Variants in TGFBR2 observed in about 807,000 individuals in gnomAD.
The protein encoded by TGFBR2 is transforming growth factor beta receptor 2.
TGFBR2 carries 18 observed loss-of-function variants against 49.0 expected under a neutral mutation model. That is an observed-to-expected ratio of 0.37 (90% CI 0.25 to 0.54). The LOEUF (loss-of-function observed/expected upper bound fraction) is 0.54. Among genes scored for constraint, TGFBR2 ranks in the 20% least tolerant of loss-of-function variants. The pLI, the probability that TGFBR2 is intolerant of heterozygous loss-of-function variation, is 0.85. For missense variants in TGFBR2, 525 were observed against 722.6 expected (o/e 0.73, Z 3.13); for synonymous variants, 282 against 275.9 (o/e 1.02, Z -0.22).
At chr3:30,624,779 C>T (rs1698301741) in intron 1 of TGFBR2, among the ~76,000 whole-genome samples, 1 of 152,138 alleles carries the variant, frequency 6.6e-6, no homozygotes. Flanking sequence ...TTTAATTTTT[C>T]TTGAAGAACA....
At chr3:30,645,928 A>G (rs1042292894) in intron 2 of TGFBR2, among the ~76,000 whole-genome samples, 2 of 152,176 alleles carry the variant, frequency 1.3e-5, no homozygotes, top group Non-Finnish European at 2.9e-5. Context: ...ATTCATGGTT[A>G]TAGATTGTGA....
Position 30,644,871 on chromosome 3 carries a change from C to T in TGFBR2, c.219C>T (p.Ile73=). The T allele has an allele frequency of 6.2e-7, 1 of 1,614,168 alleles. No homozygotes were observed. Among genetic ancestry groups the T allele is most frequent in the Non-Finnish European group, 8.5e-7 (1 of 1,179,996 alleles). ...NQKSCMSNCS[I]TSICEKPQEV... The stretch of plus-strand genomic sequence containing the variant: ...AATCCTGCATGAGCAACTGCAGCAT[C>T]ACCTCCATCTGTGAGAAGCCACAGG... The change falls in exon 2 of 7, where the codon ATC becomes ATT. Residue 73 remains isoleucine (I), a synonymous_variant. Transcript: ENST00000295754.
intron 5 of TGFBR2, among the ~76,000 whole-genome samples, chr3:30,682,544 C>A (rs866317171): frequency 2.6e-5 from 4 of 152,132 alleles, no homozygotes; most frequent in Admixed American, 6.6e-5. Context: ...GAGAGAGGCC[C>A]AAGGTCAAGC....
At chr3:30,630,368 A>T (rs1033336545) in intron 1 of TGFBR2, among the ~76,000 whole-genome samples, 37 of 152,320 alleles carry the variant, frequency 2.4e-4, no homozygotes, top group African/African-American at 8.9e-4. Flanking sequence ...CATTCAAAAC[A>T]TTTCAAAGTT....
At chr3:30,648,462 A>ACACACACACACACACACACACACACAC (rs71786414) in intron 2 of TGFBR2, among the ~76,000 whole-genome samples, 1 of 149,766 alleles carries the variant, frequency 6.7e-6, no homozygotes, top group Admixed American at 6.7e-5. Flanking sequence ...ACACACACAC[A>ACACACACACACACACACACACACACAC]AAACTGTGGG....
chr3:30,653,500 C>A (rs921338685), intron 3 of TGFBR2, among the ~76,000 whole-genome samples: 2 of 152,094 alleles, frequency 1.3e-5, no homozygotes, highest in African/African-American at 2.4e-5. Context: ...GATCCACCTG[C>A]CTCAGCCTCC....
Position 30,692,576 on chromosome 3 carries a change from C to G in TGFBR2, c.*977C>G, listed in dbSNP as rs1020265876. ...TTCTAAAAAGGAGCAAATTCTCACT[C>G]TAGGCTTTATCGTGTTTACTTTTTC... On this transcript the variant is annotated 3_prime_UTR_variant, in exon 7 of 7. Coordinates refer to ENST00000295754, the MANE Select transcript of TGFBR2 (RefSeq NM_003242.6). 1.7e-5 allele frequency: 4 copies of G among 233,056 alleles called. No individual in the cohort carries two copies. The highest frequency in any genetic ancestry group is 8.8e-5 in the African/African-American group (4 of 45,328). 14.4% of individuals were successfully genotyped at this position (233,056 alleles called of 1,614,324 possible).
chr3:30,693,713 G>T lies in TGFBR2; in HGVS notation c.*2114G>T, dbSNP rs1463492930. 2 of 233,574 alleles carry T rather than the reference G, an allele frequency of 8.6e-6. No homozygotes were observed. The highest frequency in any genetic ancestry group is 4.4e-5 in the African/African-American group (2 of 45,338). The allele number at this position is 233,574 out of a possible 1,614,324, so 14.5% of individuals were successfully genotyped here. A position where few individuals can be genotyped will look rare whatever the true frequency, so the allele number is the denominator to read the frequency against. On this transcript the variant is annotated 3_prime_UTR_variant, in exon 7 of 7. Coordinates refer to ENST00000295754, the MANE Select transcript of TGFBR2 (RefSeq NM_003242.6). ...AATAGCTGTTGCCCATTGACCTCTAGTGGTGAGTTTCTAGAATACTGGTCC... is the reference window on the plus strand; with the variant it reads ...AATAGCTGTTGCCCATTGACCTCTATTGGTGAGTTTCTAGAATACTGGTCC...
chr3:30,675,544 G>A (rs1314604810), intron 5 of TGFBR2, among the ~76,000 whole-genome samples: 3 of 152,092 alleles, frequency 2.0e-5, no homozygotes, highest in South Asian at 2.1e-4. Flanking sequence ...GCACCACCAC[G>A]CTCAGCTAAT....
intron 5 of TGFBR2, 76 bp from the exon 6 acceptor site, chr3:30,688,308 G>T (rs1699658224): frequency 5.6e-6 from 9 of 1,599,960 alleles, no homozygotes; most frequent in Non-Finnish European, 7.7e-6. Context: ...CCCCAGCCAG[G>T]CATCTCACCA....
chr3:30,687,201 G>A (rs1699637734), intron 5 of TGFBR2, among the ~76,000 whole-genome samples: 1 of 152,226 alleles, frequency 6.6e-6, no homozygotes, highest in African/African-American at 2.4e-5. Flanking sequence ...AGGCCCCGGT[G>A]AAGGGTTACC....
In TGFBR2 at chr3:30,671,639, A is replaced by G; in HGVS notation, c.456A>G (p.Glu152=). The change falls in exon 4 of 7, where the codon GAA becomes GAG. Residue 152 remains glutamate, a splice_region_variant and synonymous_variant. Transcript: ENST00000295754. Reference sequence around the variant, plus strand: ...CTCCTTGTTTTGTTTCCCCATCAGAATATAACACCAGCAATCCTGACTTGT... The same window carrying G: ...CTCCTTGTTTTGTTTCCCCATCAGAGTATAACACCAGCAATCCTGACTTGT... ...ECNDNIIFSE[E]YNTSNPDLLL... 1 of 1,614,208 alleles carries G rather than the reference A, an allele frequency of 6.2e-7. No individual in the cohort carries two copies. Among genetic ancestry groups the G allele is most frequent in the Non-Finnish European group, 8.5e-7 (1 of 1,180,030 alleles).
intron 1 of TGFBR2, among the ~76,000 whole-genome samples, chr3:30,613,351 A>G (rs1462759850): frequency 1.3e-5 from 2 of 151,934 alleles, no homozygotes; most frequent in South Asian, 2.1e-4. Flanking sequence ...TTTTTAGACC[A>G]TGATTTGGTT....
At chr3:30,671,584 A>T in intron 3 of TGFBR2, 54 bp from the exon 4 acceptor site, 1 of 1,586,852 alleles carries the variant, frequency 6.3e-7, no homozygotes, top group Non-Finnish European at 8.7e-7. Flanking sequence ...ACTTCCTGAC[A>T]GTACTTACCT....
At chr3:30,615,307 G>A (rs74517036) in intron 1 of TGFBR2, among the ~76,000 whole-genome samples, 2,920 of 152,232 alleles carry the variant, frequency 0.019, 86 homozygotes, top group African/African-American at 0.066. Flanking sequence ...GGCTCTAGGA[G>A]AGGCCCTGGC....
intron 1 of TGFBR2, among the ~76,000 whole-genome samples, chr3:30,608,894 T>C (rs769420691): frequency 6.1e-4 from 93 of 152,342 alleles, no homozygotes; most frequent in Non-Finnish European, 1.2e-3. Context: ...TAATTTTCTG[T>C]GGATGTTAAA....
At chr3:30,615,396 G>C (rs1698112959) in intron 1 of TGFBR2, among the ~76,000 whole-genome samples, 1 of 152,082 alleles carries the variant, frequency 6.6e-6, no homozygotes, top group Non-Finnish European at 1.5e-5. Context: ...ACATATAAAA[G>C]AAACCTGATA....
chr3:30,648,391 C>A (rs961547472), intron 2 of TGFBR2, among the ~76,000 whole-genome samples: 10 of 146,654 alleles, frequency 6.8e-5, no homozygotes, highest in African/African-American at 2.5e-4. Context: ...AGCATACCTT[C>A]GTTTTATTAC....
intron 1 of TGFBR2, among the ~76,000 whole-genome samples, chr3:30,644,239 G>T (rs918502966): frequency 2.0e-5 from 3 of 152,122 alleles, no homozygotes; most frequent in Admixed American, 2.0e-4. Flanking sequence ...CTTTGGTGTG[G>T]CACTTCATGA....
Sources: gnomAD v4.1 joint callset for allele counts (sites outside exome capture counted in the v4.1 genomes callset) on GRCh38, gnomAD v4.1.1 for gene constraint, MANE v1.5 for transcripts, NCBI Gene and HGNC (gene_info 2026-07-23, HGNC 2026-07-21) for gene names.